ITGB5: variants seen among roughly 807,000 people sequenced by gnomAD.
The protein encoded by ITGB5 is integrin subunit beta 5.
ITGB5 carries 38 observed loss-of-function variants against 84.8 expected under a neutral mutation model. The observed-to-expected ratio is 0.45, with a 90% CI of 0.35 to 0.59. The LOEUF is 0.59. ITGB5 is among the 20% of genes least tolerant of loss of function. The pLI is 0.01. For missense variants in ITGB5, 905 were observed against 1,034.5 expected (o/e 0.87, Z 1.72); for synonymous variants, 393 against 414.4 (o/e 0.95, Z 0.63).
intron 2 of ITGB5, among the ~76,000 whole-genome samples, chr3:124,861,016 C>T (rs1036991519): frequency 2.0e-5 from 3 of 152,060 alleles, no homozygotes; most frequent in Non-Finnish European, 2.9e-5. Flanking sequence ...CAGTGAACTG[C>T]GATTGTGCCA....
chr3:124,823,174 G>T (rs985171418), intron 5 of ITGB5, among the ~76,000 whole-genome samples: 12 of 152,144 alleles, frequency 7.9e-5, no homozygotes, highest in Admixed American at 5.2e-4. Context: ...AAGGCAGGAG[G>T]ATCACTTGAG....
At position 124,887,030 on chromosome 3, in the gene ITGB5, G is replaced by A. The variant is rs1215705839; in HGVS notation, c.-30C>T. On this transcript the variant is annotated 5_prime_UTR_variant, in exon 1 of 15. Coordinates refer to ENST00000296181, the MANE Select transcript of ITGB5 (RefSeq NM_002213.5). ...GGGCGCCTCCCTCAGCGGCGGCGCGGTCGCTGCACTCCGCGGGGGCCGGCG... is the reference window on the plus strand; with the variant it reads ...GGGCGCCTCCCTCAGCGGCGGCGCGATCGCTGCACTCCGCGGGGGCCGGCG... The A allele has an allele frequency of 3.6e-6, 4 of 1,099,602 alleles. No homozygotes were observed. Among genetic ancestry groups the A allele is most frequent in the Admixed American group, 5.1e-5 (1 of 19,774 alleles). The allele number at this position is 1,099,602 out of a possible 1,614,324, so 68.1% of individuals were successfully genotyped here. A position where few individuals can be genotyped will look rare whatever the true frequency, so the allele number is the denominator to read the frequency against.
intron 5 of ITGB5, among the ~76,000 whole-genome samples, chr3:124,840,089 G>A (rs1310556175): frequency 6.6e-6 from 1 of 152,200 alleles, no homozygotes; most frequent in Non-Finnish European, 1.5e-5. Flanking sequence ...TTCCCATCTT[G>A]TCAAGGATTG....
chr3:124,803,355 C>T (rs912232762), intron 9 of ITGB5, among the ~76,000 whole-genome samples: 1 of 152,120 alleles, frequency 6.6e-6, no homozygotes, highest in African/African-American at 2.4e-5. Context: ...GCACGCTTCT[C>T]AGGCCCCACT....
intron 10 of ITGB5, among the ~76,000 whole-genome samples, chr3:124,793,482 G>A (rs2064178243): frequency 6.6e-6 from 1 of 152,240 alleles, no homozygotes; most frequent in African/African-American, 2.4e-5. Context: ...CTGTCTGGGG[G>A]AAGGCGGGGC....
intron 2 of ITGB5, among the ~76,000 whole-genome samples, chr3:124,872,184 G>C (rs1934088480): frequency 6.6e-6 from 1 of 152,184 alleles, no homozygotes; most frequent in South Asian, 2.1e-4. Flanking sequence ...AAAGTAAATT[G>C]AGAACTCCCA....
chr3:124,811,434 A>G (rs563414312), intron 8 of ITGB5, among the ~76,000 whole-genome samples: 1 of 152,330 alleles, frequency 6.6e-6, no homozygotes, highest in East Asian at 1.9e-4. Context: ...ACAGTATTGT[A>G]AAAGAGCTGA....
chr3:124,830,673 C>T (rs572599564), intron 5 of ITGB5, among the ~76,000 whole-genome samples: 2 of 152,226 alleles, frequency 1.3e-5, no homozygotes, highest in Non-Finnish European at 2.9e-5. Context: ...CACTGCTAAG[C>T]AGCTCTCCTT....
At chr3:124,890,451 C>T (rs1043849261), upstream of ITGB5, among the ~76,000 whole-genome samples, 4 of 152,064 alleles carry the variant, frequency 2.6e-5, no homozygotes, top group African/African-American at 4.8e-5. Context: ...ATGATCCGCC[C>T]GCCTCGGCCT....
rs1322590428 is a variant in ITGB5, at chr3:124,762,892, T to G, written c.*731A>C. ...CTGAGGAAGTACACGGCCGCTTCAA[T>G]CCCCACTGGGGGCACCATTTTAAGT... On this transcript the variant is annotated 3_prime_UTR_variant, in exon 15 of 15. Transcript: ENST00000296181. The G allele has an allele frequency of 2.0e-5, 3 of 152,160 alleles. No homozygotes were observed. The highest frequency in any genetic ancestry group is 4.4e-5 in the Non-Finnish European group (3 of 68,046). The allele number at this position is 152,160 out of a possible 1,614,324, so 9.4% of individuals were successfully genotyped here.
At position 124,878,169 on chromosome 3, in the gene ITGB5, C is replaced by T. The variant is rs552296687; in HGVS notation, c.71-4638G>A. ...CCAGCTTCAAAGCCACATACATTTG[C>T]AAACAACACTTTATAATTACCAGAG... On this transcript the variant is annotated intron_variant, in intron 1 of 14. Coordinates refer to ENST00000296181, the MANE Select transcript of ITGB5 (RefSeq NM_002213.5). Among the ~76,000 whole-genome samples the T allele has an allele frequency of 5.3e-5, 8 of 152,268 alleles. No homozygotes were observed. In the South Asian group the frequency reaches 1.7e-3, roughly 32 times the overall value.
chr3:124,873,534 T>C lies in ITGB5; in HGVS notation c.71-3A>G. The C allele has an allele frequency of 6.2e-7, 1 of 1,608,956 alleles. No homozygotes were observed. Among genetic ancestry groups the C allele is most frequent in the Non-Finnish European group, 8.5e-7 (1 of 1,175,306 alleles). Reference sequence around the variant, plus strand: ...TCCACTAGTGCATATGTTGAGACCTTTAAAGCAAGATAAAGATGCACTAAT... The same window carrying C: ...TCCACTAGTGCATATGTTGAGACCTCTAAAGCAAGATAAAGATGCACTAAT... On this transcript the variant is annotated splice_region_variant and splice_polypyrimidine_tract_variant and intron_variant, in intron 1 of 14. Coordinates refer to ENST00000296181, the MANE Select transcript of ITGB5 (RefSeq NM_002213.5).
At position 124,763,348 on chromosome 3, in the gene ITGB5, G is replaced by A. The variant is rs776440621; in HGVS notation, c.*275C>T. 23 of 296,802 alleles carry A rather than the reference G, an allele frequency of 7.7e-5. 1 individual carries two copies. Among genetic ancestry groups the A allele is most frequent in the Admixed American group, 2.4e-4 (5 of 20,734 alleles). The allele number at this position is 296,802 out of a possible 1,614,324, so 18.4% of individuals were successfully genotyped here. A position where few individuals can be genotyped will look rare whatever the true frequency, so the allele number is the denominator to read the frequency against. On this transcript the variant is annotated 3_prime_UTR_variant, in exon 15 of 15. Transcript: ENST00000296181. ...TCTCAGTATTTCATTGGGACAACAA[G>A]CTGGATGTGGCAGGGAAAGCTGAGA...
At chr3:124,820,987 C>A (rs6769379) in intron 6 of ITGB5, among the ~76,000 whole-genome samples, 147 of 152,032 alleles carry the variant, frequency 9.7e-4, no homozygotes, top group African/African-American at 3.2e-3. Context: ...AGCACCCACC[C>A]TCCTTTAAGA....
intron 9 of ITGB5, among the ~76,000 whole-genome samples, chr3:124,808,372 T>G (rs915056035): frequency 1.3e-5 from 2 of 152,334 alleles, no homozygotes; most frequent in African/African-American, 4.8e-5. Context: ...AGAAGATGTG[T>G]GGCTAGCTCT....
At chr3:124,845,869 G>T (rs1188423147) in intron 4 of ITGB5, among the ~76,000 whole-genome samples, 2 of 152,188 alleles carry the variant, frequency 1.3e-5, no homozygotes, top group Non-Finnish European at 2.9e-5. Flanking sequence ...CAGTTAAGAT[G>T]CTGTTGCTCC....
chr3:124,861,017 G>A (rs1359306463), intron 2 of ITGB5, among the ~76,000 whole-genome samples: 1 of 152,114 alleles, frequency 6.6e-6, no homozygotes, highest in East Asian at 1.9e-4. Flanking sequence ...AGTGAACTGC[G>A]ATTGTGCCAC....
chr3:124,810,111 A>G (rs912233496), intron 8 of ITGB5, among the ~76,000 whole-genome samples: 1 of 152,246 alleles, frequency 6.6e-6, no homozygotes, highest in African/African-American at 2.4e-5. Flanking sequence ...TAGCAAGAGT[A>G]GAATGGATTT....
intron 3 of ITGB5, among the ~76,000 whole-genome samples, chr3:124,855,205 C>T (rs1216169340): frequency 4.6e-5 from 7 of 152,092 alleles, no homozygotes; most frequent in Non-Finnish European, 7.4e-5. Context: ...CCTAGCTACT[C>T]AGAAGGCTAA....
Sources: allele counts gnomAD v4.1 joint callset (sites outside exome capture counted in the v4.1 genomes callset), GRCh38; gene constraint gnomAD v4.1.1; transcripts MANE v1.5; gene names NCBI Gene and HGNC (gene_info 2026-07-23, HGNC 2026-07-21).